DPP3: variants seen among roughly 807,000 people sequenced by gnomAD.
DPP3 encodes dipeptidyl peptidase 3.
A neutral mutation model predicts 89.8 loss-of-function variants in DPP3; 64 were observed. That is an observed-to-expected ratio of 0.71 (90% CI 0.58 to 0.88). The LOEUF is 0.88. Ranked by LOEUF, DPP3 falls within the 40% of genes least tolerant of loss-of-function variation. The pLI, the probability that DPP3 is intolerant of heterozygous loss-of-function variation, is 0.00. For synonymous variants in DPP3, 377 were observed against 404.3 expected (o/e 0.93, Z 0.81); for missense variants, 835 against 972.5 (o/e 0.86, Z 1.88).
At position 66,492,947 on chromosome 11, in the gene DPP3, C is replaced by A. The variant is rs746674177; in HGVS notation, c.1183+37C>A. ...AGGCCCAGCCCCCGAGCCCCAGAAA[C>A]CTTCCTTTAGAGTCGCCCCTCCCTG... On this transcript the variant is annotated intron_variant, in intron 10 of 17. Transcript: ENST00000531863. 9 of 1,597,778 alleles carry A rather than the reference C, an allele frequency of 5.6e-6. No homozygotes were observed. In the African/African-American group the frequency reaches 1.1e-4, roughly 19 times the overall value.
rs202241881 is a variant in DPP3, at chr11:66,492,906, C to T, written c.1179C>T (p.Pro393=). 1.2e-5 allele frequency: 19 copies of T among 1,609,644 alleles called. No individual in the cohort carries two copies. Among genetic ancestry groups the T allele is most frequent in the Non-Finnish European group, 1.5e-5 (18 of 1,177,662 alleles). Residue 393 remains proline (P), a synonymous_variant, in exon 10 of 18, where the codon CCC becomes CCT. Coordinates refer to ENST00000531863, the MANE Select transcript of DPP3 (RefSeq NM_130443.4). ...GSGIPAGINI[P]NYDDLRQTEG... ...GCATCCCTGCCGGCATCAACATCCC[C>T]AACTGTGAGTGTCTCAGGCCCAGCC...
Position 66,505,514 on chromosome 11 carries a change from G to A in DPP3, c.2041+740G>A, listed in dbSNP as rs565395688. ...TGCTTGCTGATGTTATCGTGAACCT[G>A]AATTCCTTCTTAGAGTTTCTAAGTG... is the stretch of plus-strand genomic sequence containing the variant. On this transcript the variant is annotated intron_variant, in intron 17 of 17. Transcript: ENST00000531863. Among the ~76,000 whole-genome samples the A allele has an allele frequency of 1.2e-4, 19 of 152,314 alleles. 1 individual carries two copies. The South Asian group carries it at 2.7e-3, about 22-fold the overall frequency.
chr11:66,509,155 G>A lies in DPP3; in HGVS notation c.2118G>A (p.Glu706=). 1 of 1,614,202 alleles carries A rather than the reference G, an allele frequency of 6.2e-7. No homozygotes were observed. Reference sequence around the variant, plus strand: ...GATCCTTCTCTGAGCGTTTCCCAGAGGATGGACCCGAGTTGGAGGAGATCC... The same window carrying A: ...GATCCTTCTCTGAGCGTTTCCCAGAAGATGGACCCGAGTTGGAGGAGATCC... ...LIRSFSERFP[E]DGPELEEILT... is the part of the protein sequence containing the mutation. Residue 706 remains glutamate (E), a synonymous_variant, in exon 18 of 18, where the codon GAG becomes GAA. Transcript: ENST00000531863.
At chr11:66,497,997 G>A (rs1418284061) in intron 16 of DPP3, among the ~76,000 whole-genome samples, 9 of 151,976 alleles carry the variant, frequency 5.9e-5, no homozygotes, top group Non-Finnish European at 8.8e-5. Flanking sequence ...GTGCAATGGC[G>A]TGATCTCGGC....
chr11:66,495,702 G>A lies in DPP3; in HGVS notation c.1650G>A (p.Gly550=), dbSNP rs1409220081. The change falls in exon 15 of 18, where the codon GGG becomes GGA. Residue 550 remains glycine, a synonymous_variant. Coordinates refer to ENST00000531863, the MANE Select transcript of DPP3 (RefSeq NM_130443.4). ...YVNWLNMVRA[G]LLALEFYTPE... ...ACTGGCTCAACATGGTTCGGGCCGGGCTGCTCGCTCTGGAGTTCTACACAC... is the reference window on the plus strand; with the variant it reads ...ACTGGCTCAACATGGTTCGGGCCGGACTGCTCGCTCTGGAGTTCTACACAC... 6.2e-7 allele frequency: 1 copy of A among 1,613,200 alleles called. No individual in the cohort carries two copies.
In DPP3 at chr11:66,481,652, AT is replaced by A. The variant is rs535859061; in HGVS notation, c.-8-528del. On this transcript the variant is annotated intron_variant, in intron 1 of 17. Transcript: ENST00000531863. ...AATACTAGGTAGTTAGAGTCAATCA[AT>A]TTTTTTTTTTTTGAGGTGGAGTCTC... Among the ~76,000 whole-genome samples the A allele has an allele frequency of 5.7e-3, 828 of 145,338 alleles. 6 individuals are homozygous for A. The highest frequency in any genetic ancestry group is 0.018 in the African/African-American group (700 of 39,930).
rs377679963 is a variant in DPP3 at position 66,491,959 on chromosome 11, AT to A, written c.988+204del. Among the ~76,000 whole-genome samples, 108 of 152,340 alleles carry A rather than the reference AT, an allele frequency of 7.1e-4. 1 individual carries two copies. Among genetic ancestry groups the A allele is most frequent in the East Asian group, 6.4e-3 (33 of 5,186 alleles). ...TATATTAACTAATTTAGAGTCCATC[AT>A]CCCATGAGGATATTTATCTTCACTT... On this transcript the variant is annotated intron_variant, in intron 9 of 17. Coordinates refer to ENST00000531863, the MANE Select transcript of DPP3 (RefSeq NM_130443.4).
chr11:66,506,577 C>T (rs1667420131), intron 17 of DPP3, among the ~76,000 whole-genome samples: 1 of 152,034 alleles, frequency 6.6e-6, no homozygotes, highest in Admixed American at 6.6e-5. Context: ...TATTAAGACG[C>T]TCATTCTAGA....
At position 66,506,924 on chromosome 11, in the gene DPP3, G is replaced by A. The variant is rs555114052; in HGVS notation, c.2041+2150G>A. 9.2e-5 allele frequency among the ~76,000 whole-genome samples: 14 copies of A among 151,886 alleles called. No homozygotes were observed. In the South Asian group the frequency reaches 1.9e-3, roughly 20 times the overall value. ...TTCATTTTCTTCTAGCGCCCATCAC[G>A]CTTGCCCATTTTCTTGGTGGTCACT... On this transcript the variant is annotated intron_variant, in intron 17 of 17. Transcript: ENST00000531863.
In DPP3 at chr11:66,491,704, C is replaced by A. The variant is rs1414780839; in HGVS notation, c.936C>A (p.Ile312=). 1 of 1,612,162 alleles carries A rather than the reference C, an allele frequency of 6.2e-7. No homozygotes were observed. Among genetic ancestry groups the A allele is most frequent in the Admixed American group, 1.7e-5 (1 of 59,842 alleles). The change falls in exon 9 of 18, where the codon ATC becomes ATA. Residue 312 remains isoleucine (I), a synonymous_variant. Coordinates refer to ENST00000531863, the MANE Select transcript of DPP3 (RefSeq NM_130443.4). The part of the protein sequence containing the change: ...QDKGPIVESY[I]GFIESYRDPF... Reference sequence around the variant, plus strand: ...CTGCCCTTCTCTCCCCCAGTTACATCGGGTTCATCGAGAGCTACCGCGACC... The same window carrying A: ...CTGCCCTTCTCTCCCCCAGTTACATAGGGTTCATCGAGAGCTACCGCGACC...
intron 15 of DPP3, among the ~76,000 whole-genome samples, chr11:66,496,204 T>C (rs1855531442): frequency 6.6e-6 from 1 of 152,220 alleles, no homozygotes; most frequent in Non-Finnish European, 1.5e-5. Context: ...GGCTCAGTTA[T>C]GTGTCCTTTG....
In DPP3 at chr11:66,509,049, CCTGCTGTTTTCT is replaced by C; in HGVS notation, c.2042-27_2042-16del. 6.2e-7 allele frequency: 1 copy of C among 1,610,486 alleles called. No individual in the cohort carries two copies. ...TTCAGTTTCCCTATTCAGACCTTTC[CCTGCTGTTTTCT>C]CTCCATCTCCTCCCCAGGCTCAGAC... On this transcript the variant is annotated intron_variant, in intron 17 of 17. Coordinates refer to ENST00000531863, the MANE Select transcript of DPP3 (RefSeq NM_130443.4).
intron 16 of DPP3, among the ~76,000 whole-genome samples, chr11:66,502,826 A>G (rs938391348): frequency 9.3e-5 from 14 of 150,998 alleles, no homozygotes; most frequent in Admixed American, 3.3e-4. Context: ...GTCTTGATCT[A>G]CTGACCTCAT....
chr11:66,481,362 C>G (rs571223508), intron 1 of DPP3, among the ~76,000 whole-genome samples: 1 of 152,112 alleles, frequency 6.6e-6, no homozygotes, highest in Non-Finnish European at 1.5e-5. Context: ...TGGTGATGCA[C>G]GCCTGTAGTC....
intron 17 of DPP3, 120 bp downstream of exon 17, chr11:66,504,894 C>T (rs1406518515): frequency 6.2e-6 from 7 of 1,131,402 alleles, no homozygotes; most frequent in Non-Finnish European, 8.3e-6. Flanking sequence ...TGGGATGGCC[C>T]TTCCCTTTCT....
chr11:66,509,121 G>A lies in DPP3; in HGVS notation c.2084G>A (p.Gly695Asp). 6.2e-7 allele frequency: 1 copy of A among 1,614,160 alleles called. No homozygotes were observed. The highest frequency in any genetic ancestry group is 8.5e-7 in the Non-Finnish European group (1 of 1,180,048). The change falls in exon 18 of 18, where the codon GGC becomes GAC. Residue 695 changes from glycine (G) to aspartate (D), a missense_variant. Physicochemically the swap from Gly to Asp is moderately conservative, Grantham distance 94. Coordinates refer to ENST00000531863, the MANE Select transcript of DPP3 (RefSeq NM_130443.4). ...CTGGAATACGAGGCGTCAGCTGCTG[G>A]CCTCATCCGATCCTTCTCTGAGCGT... The part of the protein sequence containing the change: ...QLLEYEASAA[G>D]LIRSFSERFP...
chr11:66,482,603 C>T (rs1012250866), intron 2 of DPP3, 133 bp downstream of exon 2: 7 of 1,305,230 alleles, frequency 5.4e-6, no homozygotes, highest in African/African-American at 3.0e-5. Flanking sequence ...CACTTCCCCT[C>T]TCTGGAGCCT....
intron 16 of DPP3, 147 bp downstream of exon 16, chr11:66,497,624 C>G: frequency 8.4e-7 from 1 of 1,190,480 alleles, no homozygotes; most frequent in Non-Finnish European, 1.1e-6. Context: ...CACCGGGTGC[C>G]TCACGCCTGT....
chr11:66,493,376 C>T (rs1209865073), intron 11 of DPP3, among the ~76,000 whole-genome samples, 165 bp from the exon 12 acceptor site: 2 of 152,240 alleles, frequency 1.3e-5, no homozygotes, highest in African/African-American at 2.4e-5. Context: ...CCCTCCCTTC[C>T]TCCTGGGTTG....
Sources: allele counts gnomAD v4.1 joint callset (sites outside exome capture counted in the v4.1 genomes callset), GRCh38; gene constraint gnomAD v4.1.1; transcripts MANE v1.5; gene names NCBI Gene and HGNC (gene_info 2026-07-23, HGNC 2026-07-21).